Variants in HS6ST3 observed in about 807,000 individuals in gnomAD.
The protein encoded by HS6ST3 is heparan sulfate 6-O-sulfotransferase 3, also known as heparan-sulfate 6-O-sulfotransferase 3.
HS6ST3 carries 12 observed loss-of-function variants against 36.7 expected under a neutral mutation model. That is an observed-to-expected ratio of 0.33 (90% CI 0.21 to 0.53). The LOEUF (loss-of-function observed/expected upper bound fraction) is 0.53, where lower values mean the gene tolerates loss of function less well. Among genes scored for constraint, HS6ST3 ranks in the 20% least tolerant of loss-of-function variants. The pLI, the probability that HS6ST3 is intolerant of heterozygous loss-of-function variation, is 0.95. For synonymous variants in HS6ST3, 240 were observed against 257.5 expected (o/e 0.93, Z 0.65); for missense variants, 584 against 640.9 (o/e 0.91, Z 0.96).
chr13:96,459,743 T>C (rs1011992747), intron 1 of HS6ST3, among the ~76,000 whole-genome samples: 2 of 152,206 alleles, frequency 1.3e-5, no homozygotes, highest in Non-Finnish European at 2.9e-5. Flanking sequence ...ATCCCAAGAA[T>C]GATGTCCTCT....
intron 1 of HS6ST3, among the ~76,000 whole-genome samples, chr13:96,408,468 A>G (rs1594773796): frequency 6.6e-6 from 1 of 152,228 alleles, no homozygotes; most frequent in East Asian, 1.9e-4. Flanking sequence ...ATAAATGAAA[A>G]TAGAAGATGA....
intron 1 of HS6ST3, among the ~76,000 whole-genome samples, chr13:96,782,323 C>T (rs1468715069): frequency 1.3e-5 from 2 of 152,154 alleles, no homozygotes; most frequent in African/African-American, 2.4e-5. Context: ...CCAAAACAGT[C>T]GCCATGAACA....
At chr13:96,368,469 C>T (rs778034677) in intron 1 of HS6ST3, among the ~76,000 whole-genome samples, 42 of 151,536 alleles carry the variant, frequency 2.8e-4, no homozygotes, top group Non-Finnish European at 2.5e-4. Flanking sequence ...AAGCATGAAT[C>T]CAGACTCTAG....
chr13:96,523,729 A>G (rs1048858851), intron 1 of HS6ST3, among the ~76,000 whole-genome samples: 1 of 151,782 alleles, frequency 6.6e-6, no homozygotes, highest in Non-Finnish European at 1.5e-5. Flanking sequence ...GGTCTTCTCT[A>G]CATTCGTTAT....
intron 1 of HS6ST3, among the ~76,000 whole-genome samples, chr13:96,599,597 A>C (rs919800628): frequency 3.3e-5 from 5 of 150,332 alleles, no homozygotes; most frequent in Admixed American, 3.3e-4. Context: ...TTTTTGTTTC[A>C]TTGGTCCTTT....
chr13:96,259,847 A>T (rs1363362352), intron 1 of HS6ST3, among the ~76,000 whole-genome samples: 2 of 152,180 alleles, frequency 1.3e-5, no homozygotes, highest in African/African-American at 4.8e-5. Context: ...TAAAGAGGAG[A>T]GGTGAAATTT....
At chr13:96,562,250 T>C (rs1233119099) in intron 1 of HS6ST3, among the ~76,000 whole-genome samples, 1 of 152,180 alleles carries the variant, frequency 6.6e-6, no homozygotes, top group African/African-American at 2.4e-5. Context: ...TGGTGGCCAT[T>C]ATCCTAAGCA....
intron 1 of HS6ST3, among the ~76,000 whole-genome samples, chr13:96,289,710 C>T (rs1458832723): frequency 1.3e-5 from 2 of 152,098 alleles, no homozygotes; most frequent in Non-Finnish European, 2.9e-5. Context: ...CTTTTGGCCA[C>T]CTAAAAGTAA....
chr13:96,589,219 C>T (rs1384303729), intron 1 of HS6ST3, among the ~76,000 whole-genome samples: 2 of 152,026 alleles, frequency 1.3e-5, no homozygotes, highest in African/African-American at 2.4e-5. Flanking sequence ...ATTCAATCTC[C>T]TTATTCATTT....
At position 96,805,520 on chromosome 13, in the gene HS6ST3, C is replaced by T. The variant is rs137980241; in HGVS notation, c.708-26970C>T. 3.2e-3 allele frequency among the ~76,000 whole-genome samples: 485 copies of T among 152,162 alleles called. 3 individuals are homozygous for T. The highest frequency in any genetic ancestry group is 0.01 in the African/African-American group (432 of 41,498). ...AATACAGTGATTACAATGATGATGA[C>T]GACAATGACAGTCATGATGAGACAA... is the stretch of plus-strand genomic sequence containing the variant. On this transcript the variant is annotated intron_variant, in intron 1 of 1. Transcript: ENST00000376705.
At chr13:96,273,767 T>C (rs1173302477) in intron 1 of HS6ST3, among the ~76,000 whole-genome samples, 1 of 152,056 alleles carries the variant, frequency 6.6e-6, no homozygotes, top group Non-Finnish European at 1.5e-5. Context: ...TAGCAGCACC[T>C]GGAGTCTAAC....
chr13:96,500,028 C>G (rs534064643), intron 1 of HS6ST3, among the ~76,000 whole-genome samples: 2 of 152,236 alleles, frequency 1.3e-5, no homozygotes, highest in South Asian at 2.1e-4. Context: ...CTGCTGATTT[C>G]AGAACATTTT....
chr13:96,526,192 A>G (rs954819321), intron 1 of HS6ST3, among the ~76,000 whole-genome samples: 5 of 152,176 alleles, frequency 3.3e-5, no homozygotes, highest in Non-Finnish European at 7.3e-5. Context: ...GAAGATGAAG[A>G]TGAAGGTGGG....
intron 1 of HS6ST3, among the ~76,000 whole-genome samples, chr13:96,720,683 T>G (rs1319051689): frequency 6.6e-6 from 1 of 152,230 alleles, no homozygotes; most frequent in Non-Finnish European, 1.5e-5. Context: ...AGACGCAACA[T>G]GTACTGCGAA....
chr13:96,163,717 T>C (rs1178715286), intron 1 of HS6ST3, among the ~76,000 whole-genome samples: 1 of 152,180 alleles, frequency 6.6e-6, no homozygotes, highest in Non-Finnish European at 1.5e-5. Flanking sequence ...AAAAACCCTT[T>C]TCCCCCCAGC....
intron 1 of HS6ST3, among the ~76,000 whole-genome samples, chr13:96,559,169 T>A (rs181793829): frequency 2.0e-5 from 3 of 152,178 alleles, no homozygotes. Flanking sequence ...CAAGCTGGAG[T>A]GCAGTGGTGT....
intron 1 of HS6ST3, among the ~76,000 whole-genome samples, chr13:96,622,435 G>A (rs1020496745): frequency 2.6e-5 from 4 of 151,982 alleles, no homozygotes; most frequent in Admixed American, 6.6e-5. Context: ...TACTTTCTCA[G>A]TCTGACTAAT....
chr13:96,639,346 C>G (rs1594824348), intron 1 of HS6ST3, among the ~76,000 whole-genome samples: 1 of 151,960 alleles, frequency 6.6e-6, no homozygotes, highest in African/African-American at 2.4e-5. Context: ...AGTATAACCA[C>G]TCAGGTTCTA....
intron 1 of HS6ST3, among the ~76,000 whole-genome samples, chr13:96,199,457 T>A (rs1189349234): frequency 6.6e-6 from 1 of 152,228 alleles, no homozygotes; most frequent in Non-Finnish European, 1.5e-5. Context: ...TATATTAATT[T>A]AAAAATTAAT....
Sources: gnomAD v4.1 joint callset for allele counts (sites outside exome capture counted in the v4.1 genomes callset) on GRCh38, gnomAD v4.1.1 for gene constraint, MANE v1.5 for transcripts, NCBI Gene and HGNC (gene_info 2026-07-23, HGNC 2026-07-21) for gene names.